The following CDK20 variants were observed in gnomAD, a reference collection of about 807,000 sequenced individuals.
CDK20 encodes the protein cyclin dependent kinase 20, also known as cyclin-dependent kinase 20.
Under a neutral mutation model 38.6 loss-of-function variants are expected in CDK20, and 40 were observed. The ratio of observed to expected loss-of-function variants is 1.04; its 90% CI spans 0.81 to 1.35. The LOEUF (loss-of-function observed/expected upper bound fraction) is 1.35. Ranked by LOEUF, CDK20 falls within the 40% of genes most tolerant of loss-of-function variation. The probability of loss-of-function intolerance (pLI) is 0.00; values close to 1 mark genes in which losing one functional copy is unlikely to be tolerated. For synonymous variants in CDK20, 209 were observed against 185.7 expected, an observed-to-expected ratio of 1.13 and a Z score of -1.02; for missense variants, 512 against 452.6, an observed-to-expected ratio of 1.13 and a Z score of -1.19.
In CDK20 at chr9:87,967,392, G is replaced by A. The variant is rs1829504418; in HGVS notation, c.*70C>T. 6.7e-7 allele frequency: 1 copy of A among 1,487,264 alleles called. No homozygotes were observed. Among genetic ancestry groups the A allele is most frequent in the African/African-American group, 1.4e-5 (1 of 71,690 alleles). The allele number at this position is 1,487,264 out of a possible 1,614,324, so 92.1% of individuals were successfully genotyped here. On this transcript the variant is annotated 3_prime_UTR_variant, in exon 8 of 8. Transcript: ENST00000325303. ...GGGGAGGCCTTGGAGGGTGAAGCCA[G>A]GCAGGTGGCAGAGGAACAGGTGGAC...
At position 87,969,977 on chromosome 9, in the gene CDK20, C is replaced by A. The variant is rs1003303767; in HGVS notation, c.564-58G>T. On this transcript the variant is annotated intron_variant, in intron 5 of 7. Transcript: ENST00000325303. ...TCTCCCACCATGGACCACAGACCCA[C>A]CCACAGAGCAGCTCTAACACTGCAC... is the stretch of plus-strand genomic sequence containing the variant. 4 of 1,506,342 alleles carry A rather than the reference C, an allele frequency of 2.7e-6. No individual in the cohort carries two copies. In the African/African-American group the frequency reaches 5.6e-5, roughly 21 times the overall value. The allele number at this position is 1,506,342 out of a possible 1,614,324, so 93.3% of individuals were successfully genotyped here.
chr9:87,966,711 T>A lies in CDK20; in HGVS notation c.*751A>T. ...CTGGCTCACGCTCATCCTGAGGGAGTAGATGTTGGTAAACCAGCCTCATGT... is the reference window on the plus strand; with the variant it reads ...CTGGCTCACGCTCATCCTGAGGGAGAAGATGTTGGTAAACCAGCCTCATGT... On this transcript the variant is annotated 3_prime_UTR_variant, in exon 8 of 8. Transcript: ENST00000325303. The A allele has an allele frequency of 8.1e-6, 2 of 248,090 alleles. No homozygotes were observed. The highest frequency in any genetic ancestry group is 1.6e-5 in the Non-Finnish European group (2 of 124,308). 15.4% of individuals were successfully genotyped at this position (248,090 alleles called of 1,614,324 possible).
chr9:87,972,485 T>C (rs1466611658), intron 2 of CDK20, among the ~76,000 whole-genome samples: 1 of 152,140 alleles, frequency 6.6e-6, no homozygotes, highest in East Asian at 1.9e-4. Flanking sequence ...ACTGGAGAGA[T>C]GCCTAAGAAG....
At chr9:87,970,750 A>T in intron 4 of CDK20, 26 bp downstream of exon 4, 1 of 1,614,012 alleles carries the variant, frequency 6.2e-7, no homozygotes, top group Non-Finnish European at 8.5e-7. Context: ...CATGGAGAAG[A>T]CTGGAAGGGA....
chr9:87,970,451 C>A, intron 5 of CDK20, 117 bp downstream of exon 5: 2 of 939,408 alleles, frequency 2.1e-6, no homozygotes, highest in East Asian at 2.6e-5. Context: ...AGGGAAGACA[C>A]CCTTAAGGAA....
At position 87,967,193 on chromosome 9, in the gene CDK20, C is replaced by T. The variant is rs1409189943; in HGVS notation, c.*269G>A. 1 of 679,978 alleles carries T rather than the reference C, an allele frequency of 1.5e-6. No individual in the cohort carries two copies. Among genetic ancestry groups the T allele is most frequent in the African/African-American group, 1.7e-5 (1 of 57,502 alleles). The allele number at this position is 679,978 out of a possible 1,614,324, so 42.1% of individuals were successfully genotyped here. On this transcript the variant is annotated 3_prime_UTR_variant, in exon 8 of 8. Transcript: ENST00000325303. ...CTTGACTGGCAGCAGAGCTCACTGT[C>T]CTGATGGGTACGTCAGTAGCACACA... is the stretch of plus-strand genomic sequence containing the variant.
chr9:87,971,036 G>A (rs1172628262), intron 3 of CDK20, 111 bp downstream of exon 3: 9 of 1,489,158 alleles, frequency 6.0e-6, no homozygotes, highest in African/African-American at 2.8e-5. Context: ...TTACCTGGAG[G>A]CCTTGACCAG....
At position 87,970,800 on chromosome 9, in the gene CDK20, A is replaced by G. The variant is rs1195717652; in HGVS notation, c.476T>C (p.Leu159Pro). The G allele has an allele frequency of 6.2e-7, 1 of 1,614,146 alleles. No homozygotes were observed. The highest frequency in any genetic ancestry group is 1.3e-5 in the African/African-American group (1 of 75,048). Residue 159 changes from leucine (L) to proline (P), a missense_variant, in exon 4 of 8, where the codon CTC (leucine) becomes CCC (proline). Physicochemically the swap from Leu to Pro is moderately conservative, Grantham distance 98. Transcript: ENST00000325303. ...CCTGGTGGCCACCTGGTGTGTGTAG[A>G]GGCGGCTGCCGTCTGGGGAAAAGAC... ...ARVFSPDGSR[L>P]YTHQVATRWY...
At chr9:87,974,335 C>G in intron 1 of CDK20, 37 bp downstream of exon 1, 7 of 1,587,128 alleles carry the variant, frequency 4.4e-6, no homozygotes, top group South Asian at 1.1e-5. Flanking sequence ...GGCGGGGGCA[C>G]ACCCCCGCCA....
At chr9:87,969,742 T>C in intron 6 of CDK20, 54 bp downstream of exon 6, 1 of 1,610,168 alleles carries the variant, frequency 6.2e-7, no homozygotes, top group Non-Finnish European at 8.5e-7. Flanking sequence ...TTACTTGCTG[T>C]TGGGAGTGGA....
intron 5 of CDK20, chr9:87,970,303 T>A (rs377732913): frequency 5.9e-6 from 3 of 511,410 alleles, no homozygotes; most frequent in East Asian, 3.1e-5. Context: ...CCAGCACATA[T>A]CGGCTCAGAC....
At position 87,970,807 on chromosome 9, in the gene CDK20, T is replaced by C. The variant is rs749193605; in HGVS notation, c.469A>G (p.Ser157Gly). 9.3e-6 allele frequency: 15 copies of C among 1,613,996 alleles called. No individual in the cohort carries two copies. The African/African-American group carries it at 2.0e-4, about 22-fold the overall frequency. The change falls in exon 4 of 8, where the codon AGC (serine) becomes GGC (glycine). Residue 157 changes from serine (S) to glycine (G), a missense_variant. Ser to Gly is a moderately conservative substitution (Grantham distance 56). Coordinates refer to ENST00000325303, the MANE Select transcript of CDK20 (RefSeq NM_001039803.3). ...GLARVFSPDG[S>G]RLYTHQVATR... ...GCCACCTGGTGTGTGTAGAGGCGGCTGCCGTCTGGGGAAAAGACTCGAGCC... is the reference window on the plus strand; with the variant it reads ...GCCACCTGGTGTGTGTAGAGGCGGCCGCCGTCTGGGGAAAAGACTCGAGCC...
At position 87,971,189 on chromosome 9, in the gene CDK20, G is replaced by C; in HGVS notation, c.336C>G (p.Leu112=). 1 of 1,614,222 alleles carries C rather than the reference G, an allele frequency of 6.2e-7. No individual in the cohort carries two copies. The highest frequency in any genetic ancestry group is 8.5e-7 in the Non-Finnish European group (1 of 1,180,050). The change falls in exon 3 of 8, where the codon CTC becomes CTG. Residue 112 remains leucine (L), a synonymous_variant. Transcript: ENST00000325303. ...AQVKSYLQML[L]KGVAFCHANN... ...TGGCATGGCAGAAGGCGACACCCTT[G>C]AGCAGCATCTGCAGGTAGCTCTTGA...
intron 3 of CDK20, 65 bp downstream of exon 3, chr9:87,971,082 G>C: frequency 6.4e-7 from 1 of 1,559,402 alleles, no homozygotes; most frequent in Non-Finnish European, 8.8e-7. Context: ...TTTTACAAGG[G>C]CTAGCCCCAT....
rs762637955 is a variant in CDK20 at position 87,973,908 on chromosome 9, C to A, written c.189+14G>T. Reference sequence around the variant, plus strand: ...CTGAGGGTGAGAATACCATGCCCCCCCTCCCCTACTCACATACTGATTGTC... The same window carrying A: ...CTGAGGGTGAGAATACCATGCCCCCACTCCCCTACTCACATACTGATTGTC... On this transcript the variant is annotated intron_variant, in intron 2 of 7. Transcript: ENST00000325303. The A allele has an allele frequency of 1.9e-6, 3 of 1,611,068 alleles. No homozygotes were observed. Among genetic ancestry groups the A allele is most frequent in the South Asian group, 2.2e-5 (2 of 90,926 alleles).
intron 7 of CDK20, 56 bp from the exon 8 acceptor site, chr9:87,967,715 G>T: frequency 7.1e-7 from 1 of 1,402,312 alleles, no homozygotes. Flanking sequence ...CCTGTCCCCA[G>T]CCTCAAGCAG....
chr9:87,967,665 G>A lies in CDK20; in HGVS notation c.844-6C>T, dbSNP rs1209892132. 4 of 1,466,078 alleles carry A rather than the reference G, an allele frequency of 2.7e-6. No homozygotes were observed. The highest frequency in any genetic ancestry group is 2.6e-5 in the Admixed American group (1 of 37,968). The allele number at this position is 1,466,078 out of a possible 1,614,324, so 90.8% of individuals were successfully genotyped here. A position where few individuals can be genotyped will look rare whatever the true frequency, so the allele number is the denominator to read the frequency against. Reference sequence around the variant, plus strand: ...AAGTACTGATGGAGGAGAGCCTGAGGGTGGCAAGTAAGGAACAGCAGAAGG... The same window carrying A: ...AAGTACTGATGGAGGAGAGCCTGAGAGTGGCAAGTAAGGAACAGCAGAAGG... On this transcript the variant is annotated splice_polypyrimidine_tract_variant and splice_region_variant and intron_variant, in intron 7 of 7. Transcript: ENST00000325303.
Position 87,971,218 on chromosome 9 carries a change from G to T in CDK20, c.307C>A (p.Gln103Lys). ...RHAQRPLAQA[Q>K]VKSYLQMLLK... ...AGCATCTGCAGGTAGCTCTTGACCTGTGCCTGGGCTAGTGGCCTCTGGGCA... is the reference window on the plus strand; with the variant it reads ...AGCATCTGCAGGTAGCTCTTGACCTTTGCCTGGGCTAGTGGCCTCTGGGCA... Residue 103 changes from glutamine to lysine, a missense_variant, in exon 3 of 8, where the codon CAG becomes AAG. By Grantham distance (53) the Gln-to-Lys change is moderately conservative. Transcript: ENST00000325303. 6.2e-7 allele frequency: 1 copy of T among 1,614,184 alleles called. No individual in the cohort carries two copies. Among genetic ancestry groups the T allele is most frequent in the Non-Finnish European group, 8.5e-7 (1 of 1,180,046 alleles).
rs773026901 is a variant in CDK20, at chr9:87,973,951, C to A, written c.160G>T (p.Ala54Ser). ...FPNQALREIK[A>S]LQEMEDNQYV... ...TGATTGTCCTCCATCTCCTGCAGAG[C>A]CTTAATCTCCCGCAGGGCCTGGTTA... Residue 54 changes from alanine to serine, a missense_variant, in exon 2 of 8, where the codon GCT becomes TCT. By Grantham distance (99) the Ala-to-Ser change is moderately conservative (BLOSUM62 1). Transcript: ENST00000325303. 1 of 1,614,012 alleles carries A rather than the reference C, an allele frequency of 6.2e-7. No homozygotes were observed. Among genetic ancestry groups the A allele is most frequent in the Non-Finnish European group, 8.5e-7 (1 of 1,179,996 alleles).
Sources: gnomAD v4.1 joint callset for allele counts (sites outside exome capture counted in the v4.1 genomes callset) on GRCh38, gnomAD v4.1.1 for gene constraint, MANE v1.5 for transcripts, NCBI Gene and HGNC (gene_info 2026-07-23, HGNC 2026-07-21) for gene names.